Variants in DCHS2 observed in about 807,000 individuals in gnomAD.
The protein encoded by DCHS2 is dachsous cadherin-related 2, also known as protocadherin-23.
In DCHS2, 142 loss-of-function variants were observed where a neutral mutation model predicts 182.4. The ratio of observed to expected loss-of-function variants is 0.78; its 90% CI spans 0.68 to 0.89. The LOEUF (loss-of-function observed/expected upper bound fraction) is 0.89. Ranked by LOEUF, DCHS2 falls within the 40% of genes least tolerant of loss-of-function variation. DCHS2 has a pLI of 0.00. For missense variants in DCHS2, 4,319 were observed against 4,198.6 expected (o/e 1.03, Z -0.79); for synonymous variants, 1,740 against 1,663.3 (o/e 1.05, Z -1.12).
intron 1 of DCHS2, among the ~76,000 whole-genome samples, chr4:154,422,534 C>T (rs979646206): frequency 2.0e-5 from 3 of 152,188 alleles, no homozygotes; most frequent in Non-Finnish European, 2.9e-5. Context: ...CCAAAGGTCT[C>T]CCAGTTTCCA....
intron 16 of DCHS2, among the ~76,000 whole-genome samples, chr4:154,253,367 C>T (rs780261866): frequency 1.6e-4 from 24 of 152,064 alleles, no homozygotes; most frequent in African/African-American, 5.5e-4. Flanking sequence ...GAAACCATGA[C>T]GCAAATAGGA....
At chr4:154,453,438 C>T (rs1269142645) in intron 1 of DCHS2, among the ~76,000 whole-genome samples, 3 of 152,058 alleles carry the variant, frequency 2.0e-5, no homozygotes, top group Admixed American at 2.0e-4. Context: ...CAGACATCTT[C>T]AGAGTATCCA....
chr4:154,473,055 G>T (rs1735540072), intron 1 of DCHS2, among the ~76,000 whole-genome samples: 2 of 152,154 alleles, frequency 1.3e-5, no homozygotes, highest in Non-Finnish European at 2.9e-5. Flanking sequence ...TCAGCTGTGT[G>T]ACCCTGGATA....
intron 1 of DCHS2, among the ~76,000 whole-genome samples, chr4:154,451,034 T>C (rs1734510559): frequency 6.6e-6 from 1 of 152,172 alleles, no homozygotes; most frequent in African/African-American, 2.4e-5. Flanking sequence ...AGTGTGCTAC[T>C]CCAGTCCATT....
chr4:154,236,194 A>G lies in DCHS2; in HGVS notation c.8458T>C (p.Tyr2820His), dbSNP rs370450804. The G allele has an allele frequency of 1.1e-4, 184 of 1,613,822 alleles. 1 individual carries two copies. The highest frequency in any genetic ancestry group is 7.7e-5 in the Non-Finnish European group (91 of 1,179,950). Residue 2820 changes from tyrosine to histidine, a missense_variant, in exon 20 of 20, where the codon TAT becomes CAT. Physicochemically the swap from Tyr to His is moderately conservative, Grantham distance 83. Transcript: ENST00000357232. ...TCAATGAGGAAGAGATCATGATCATAAGACATTCCATGAGTGAGAAAACAG... is the reference window on the plus strand; with the variant it reads ...TCAATGAGGAAGAGATCATGATCATGAGACATTCCATGAGTGAGAAAACAG... ...SPCFLTHGMSYDHDLFLIDPL... is the reference protein window; with the variant it reads ...SPCFLTHGMSHDHDLFLIDPL...
chr4:154,333,064 C>T lies in DCHS2; in HGVS notation c.3144G>A (p.Glu1048=), dbSNP rs757854987. The T allele has an allele frequency of 1.2e-6, 2 of 1,614,018 alleles. No homozygotes were observed. Among genetic ancestry groups the T allele is most frequent in the South Asian group, 1.1e-5 (1 of 91,078 alleles). ...CCTCGGCCCTGAGAGTCAGCGTGAGCTCCCGCTGCTCGCCCGCGCCCAGGC... is the reference window on the plus strand; with the variant it reads ...CCTCGGCCCTGAGAGTCAGCGTGAGTTCCCGCTGCTCGCCCGCGCCCAGGC... ...NGSLGAGEQR[E]LTLTLRAEDQ... The change falls in exon 5 of 20, where the codon GAG becomes GAA. Residue 1048 remains glutamate, a synonymous_variant. Transcript: ENST00000357232.
intron 16 of DCHS2, among the ~76,000 whole-genome samples, chr4:154,243,878 TCTAA>T (rs748309402): frequency 2.6e-5 from 4 of 152,140 alleles, no homozygotes; most frequent in East Asian, 1.9e-4. Context: ...GCTCAATTGC[TCTAA>T]CTAAGATCCT....
intron 1 of DCHS2, among the ~76,000 whole-genome samples, chr4:154,388,335 A>AAAAATTACAT (rs1246087271): frequency 6.6e-6 from 1 of 152,080 alleles, no homozygotes; most frequent in Non-Finnish European, 1.5e-5. Context: ...AAAGGTAACT[A>AAAAATTACAT]AAAATTACAT....
chr4:154,488,252 G>A (rs533473553), intron 1 of DCHS2, among the ~76,000 whole-genome samples: 5 of 149,936 alleles, frequency 3.3e-5, no homozygotes, highest in Middle Eastern at 3.6e-3. Flanking sequence ...GGCAAAACAT[G>A]CCATTCTGAT....
At chr4:154,366,585 T>C in intron 2 of DCHS2, 144 bp from the exon 3 acceptor site, 1 of 632,424 alleles carries the variant, frequency 1.6e-6, no homozygotes, top group South Asian at 1.9e-5. Context: ...TGTATACACA[T>C]ATACACACAC....
rs1200824592 is a variant in DCHS2, at chr4:154,320,389, A to G, written c.5010T>C (p.Asp1670=). Residue 1670 remains aspartate, a synonymous_variant, in exon 9 of 20, where the codon GAT becomes GAC. Transcript: ENST00000357232. ...TATAGGGCACTGTACCTGATGACTC[A>G]TCTAGCATAAACGTCATGTTTTCAT... ...SGNENMTFML[D]ESSGLLTTTC... 6.2e-7 allele frequency: 1 copy of G among 1,613,478 alleles called. No individual in the cohort carries two copies. The highest frequency in any genetic ancestry group is 1.3e-5 in the African/African-American group (1 of 74,894).
intron 3 of DCHS2, among the ~76,000 whole-genome samples, chr4:154,357,661 T>A (rs77401680): frequency 4.6e-5 from 7 of 152,174 alleles, no homozygotes; most frequent in Admixed American, 3.9e-4. Flanking sequence ...TCTTGAATAA[T>A]CCTGCCTTTC....
rs540646791 is a variant in DCHS2, at chr4:154,489,490, G to C, written c.1866C>G (p.Asp622Glu). ...GCTCCACCGCCTCCTGGACCTCTCG[G>C]TCTAGAGTCCGGATAGTGCTGATCG... ...SGAISTIRTL[D>E]REVQEAVELK... is the part of the protein sequence containing the mutation. The change falls in exon 1 of 20, where the codon GAC becomes GAG. Residue 622 changes from aspartate (D) to glutamate (E), a missense_variant. Physicochemically the swap from Asp to Glu is conservative, Grantham distance 45. Coordinates refer to ENST00000357232, the MANE Select transcript of DCHS2 (RefSeq NM_001358235.2). 1.1e-4 allele frequency: 167 copies of C among 1,551,706 alleles called. 2 individuals are homozygous for C. In the South Asian group the frequency reaches 1.9e-3, roughly 18 times the overall value.
chr4:154,321,344 G>C, intron 8 of DCHS2, 122 bp from the exon 9 acceptor site: 1 of 1,090,626 alleles, frequency 9.2e-7, no homozygotes, highest in Non-Finnish European at 1.2e-6. Context: ...GTTAATTAGT[G>C]AGAAAAATGT....
intron 1 of DCHS2, among the ~76,000 whole-genome samples, chr4:154,379,993 T>C (rs1200890353): frequency 6.6e-6 from 1 of 152,118 alleles, no homozygotes; most frequent in Non-Finnish European, 1.5e-5. Context: ...TTTCATTTAA[T>C]GGGTTAATTT....
chr4:154,310,101 C>A (rs1035226528), intron 10 of DCHS2, among the ~76,000 whole-genome samples: 2 of 152,100 alleles, frequency 1.3e-5, no homozygotes, highest in South Asian at 4.1e-4. Context: ...ATACCCATAA[C>A]CAGAGTCAGA....
chr4:154,236,325 C>T lies in DCHS2; in HGVS notation c.8327G>A (p.Cys2776Tyr), dbSNP rs2111085272. The change falls in exon 20 of 20, where the codon TGT becomes TAT. Residue 2776 changes from cysteine (C) to tyrosine (Y), a missense_variant. Transcript: ENST00000357232. Reference protein sequence around the residue: ...APQFMFSSFSCIVPENLPISS... With the variant: ...APQFMFSSFSYIVPENLPISS... ...AATAGGCAGATTTTCTGGAACAATA[C>T]AGCTGAAGCTTGAGAACATAAACTG... 1.2e-6 allele frequency: 2 copies of T among 1,614,046 alleles called. No individual in the cohort carries two copies. Among genetic ancestry groups the T allele is most frequent in the Admixed American group, 3.3e-5 (2 of 60,014 alleles).
At chr4:154,342,237 A>T (rs891823202) in intron 3 of DCHS2, among the ~76,000 whole-genome samples, 6 of 151,880 alleles carry the variant, frequency 4.0e-5, no homozygotes, top group African/African-American at 1.5e-4. Flanking sequence ...GTTAACAGTC[A>T]TTTGAGATTT....
chr4:154,442,539 C>A (rs374216321), intron 1 of DCHS2, among the ~76,000 whole-genome samples: 3,620 of 80,866 alleles, frequency 0.045, 189 homozygotes, highest in African/African-American at 0.067. Flanking sequence ...ACCCCCCCCC[C>A]CCCACACACA....
Sources: gnomAD v4.1 joint callset for allele counts (sites outside exome capture counted in the v4.1 genomes callset) on GRCh38, gnomAD v4.1.1 for gene constraint, MANE v1.5 for transcripts, NCBI Gene and HGNC (gene_info 2026-07-23, HGNC 2026-07-21) for gene names.